Variants in NECTIN3 observed in about 807,000 individuals in gnomAD.
The protein encoded by NECTIN3 is nectin-3.
A neutral mutation model predicts 49.4 loss-of-function variants in NECTIN3; 8 were observed. The observed-to-expected ratio is 0.16, with a 90% CI of 0.10 to 0.29. The LOEUF (loss-of-function observed/expected upper bound fraction) is 0.29. Ranked by LOEUF, NECTIN3 falls within the 10% of genes least tolerant of loss-of-function variation. The probability of loss-of-function intolerance (pLI) is 1.00; values close to 1 mark genes in which losing one functional copy is unlikely to be tolerated. For missense variants in NECTIN3, 581 were observed against 654.6 expected (o/e 0.89, Z 1.23); for synonymous variants, 277 against 241.1 (o/e 1.15, Z -1.38).
rs368587515 is a variant in NECTIN3, at chr3:111,112,328, C to T, written c.459C>T (p.Phe153=). The change falls in exon 2 of 6, where the codon TTC becomes TTT. Residue 153 remains phenylalanine (F), a synonymous_variant. Transcript: ENST00000485303. ...SGKYICKAVT[F]PLGNAQSSTT... is the part of the protein sequence containing the mutation. ...AATACATCTGCAAAGCTGTTACATT[C>T]CCGCTTGGAAATGCCCAGTCCTCTA... 1.2e-5 allele frequency: 20 copies of T among 1,612,402 alleles called. No homozygotes were observed. The highest frequency in any genetic ancestry group is 1.2e-4 in the African/African-American group (9 of 74,848).
intron 7 of NECTIN3, among the ~76,000 whole-genome samples, chr3:111,175,361 C>T (rs1237715009): frequency 6.6e-6 from 1 of 151,468 alleles, no homozygotes; most frequent in Non-Finnish European, 1.5e-5. Flanking sequence ...GGACCTTTGC[C>T]AGGCAACCAC....
intron 1 of NECTIN3, among the ~76,000 whole-genome samples, chr3:111,103,792 T>G (rs986041223): frequency 2.0e-5 from 3 of 152,146 alleles, no homozygotes; most frequent in Non-Finnish European, 2.9e-5. Flanking sequence ...GTGTTTTGTT[T>G]TGTAGATGTT....
At chr3:111,190,849 G>A (rs1408633409), upstream of NECTIN3, among the ~76,000 whole-genome samples, 3 of 152,154 alleles carry the variant, frequency 2.0e-5, no homozygotes, top group Admixed American at 1.3e-4. Flanking sequence ...TATAAAACAA[G>A]ACAGTCATGA....
chr3:111,128,347 A>G (rs1382275124), intron 5 of NECTIN3, among the ~76,000 whole-genome samples: 1 of 151,996 alleles, frequency 6.6e-6, no homozygotes, highest in East Asian at 1.9e-4. Flanking sequence ...AAATTAAAAA[A>G]TAAATATCAA....
At position 111,092,520 on chromosome 3, in the gene NECTIN3, C is replaced by A. The variant is rs978283934; in HGVS notation, c.161-19510C>A. ...AACATCATTTTTTTAATATGGATAT[C>A]TAGTTGTTGCAGGACCATTTGTTGA... is the stretch of plus-strand genomic sequence containing the variant. On this transcript the variant is annotated intron_variant, in intron 1 of 5. Coordinates refer to ENST00000485303, the MANE Select transcript of NECTIN3 (RefSeq NM_015480.3). 3.3e-5 allele frequency among the ~76,000 whole-genome samples: 5 copies of A among 151,968 alleles called. 1 individual carries two copies. Among genetic ancestry groups the A allele is most frequent in the Non-Finnish European group, 7.4e-5 (5 of 67,970 alleles).
intron 7 of NECTIN3, among the ~76,000 whole-genome samples, chr3:111,161,493 G>A (rs769705520): frequency 1.2e-4 from 19 of 152,126 alleles, no homozygotes; most frequent in Non-Finnish European, 2.4e-4. Flanking sequence ...ACCAGTATTG[G>A]TCTGTGGCTT....
intron 1 of NECTIN3, 126 bp from the exon 2 acceptor site, chr3:111,111,882 CATGTGTGTGTGTGTGCATGTGT>C (rs1181629639): frequency 3.5e-6 from 2 of 571,596 alleles, no homozygotes; most frequent in African/African-American, 2.1e-5. Flanking sequence ...CGTGTGAGTG[CATGTGTGTGTGTGTGCATGTGT>C]GTGTGTGTGT....
intron 1 of NECTIN3, among the ~76,000 whole-genome samples, chr3:111,095,517 A>G (rs1237629755): frequency 6.6e-6 from 1 of 152,214 alleles, no homozygotes; most frequent in Non-Finnish European, 1.5e-5. Context: ...GACTCCAGAC[A>G]TCTAATCTGG....
chr3:111,103,375 G>C (rs1411494510), intron 1 of NECTIN3, among the ~76,000 whole-genome samples: 1 of 150,696 alleles, frequency 6.6e-6, no homozygotes, highest in African/African-American at 2.4e-5. Context: ...GCATTTTATT[G>C]TTGTGGGTGC....
chr3:111,091,550 G>A (rs1217479094), intron 1 of NECTIN3, among the ~76,000 whole-genome samples: 4 of 152,076 alleles, frequency 2.6e-5, no homozygotes, highest in South Asian at 2.1e-4. Context: ...CACTGCACCC[G>A]GCCAATGTGT....
At chr3:111,173,215 T>G (rs1448156636) in intron 7 of NECTIN3, among the ~76,000 whole-genome samples, 1 of 152,244 alleles carries the variant, frequency 6.6e-6, no homozygotes, top group Non-Finnish European at 1.5e-5. Flanking sequence ...GATCTATTTC[T>G]GAACCTGCAT....
chr3:111,153,422 G>A (rs183197103), intron 7 of NECTIN3, among the ~76,000 whole-genome samples: 14 of 152,098 alleles, frequency 9.2e-5, no homozygotes, highest in Middle Eastern at 3.4e-3. Flanking sequence ...GATGTAACAT[G>A]TGAAGTATAA....
chr3:111,117,556 A>C (rs1312153054), intron 2 of NECTIN3, among the ~76,000 whole-genome samples: 1 of 152,086 alleles, frequency 6.6e-6, no homozygotes, highest in African/African-American at 2.4e-5. Flanking sequence ...TATGAAAGGA[A>C]CTACATAAGG....
chr3:111,073,507 T>C (rs748545458), intron 1 of NECTIN3: 1 of 152,324 alleles, frequency 6.6e-6, no homozygotes, highest in African/African-American at 2.4e-5. Flanking sequence ...TGGAATGTTA[T>C]TAATTGTACG....
chr3:111,104,985 A>G (rs1015521675), intron 1 of NECTIN3, among the ~76,000 whole-genome samples: 8 of 152,170 alleles, frequency 5.3e-5, no homozygotes, highest in African/African-American at 1.9e-4. Context: ...CTTCTGATCC[A>G]TGAATAAAGT....
rs1000751479 is a variant in NECTIN3, at chr3:111,126,212, T to C, written c.946T>C (p.Leu316=). The change falls in exon 5 of 6, where the codon TTG becomes CTG. Residue 316 remains leucine, a synonymous_variant. Coordinates refer to ENST00000485303, the MANE Select transcript of NECTIN3 (RefSeq NM_015480.3). ...RLDGQWPDGL[L]ASDNTLHFVH... is the part of the protein sequence containing the mutation. ...GGATGGACAATGGCCTGATGGTTTA[T>C]TGGCTTCAGACAATACTCTTCATTT... The C allele has an allele frequency of 3.1e-6, 5 of 1,601,656 alleles. No homozygotes were observed. The highest frequency in any genetic ancestry group is 4.3e-6 in the Non-Finnish European group (5 of 1,176,298).
At chr3:111,097,877 A>G (rs1358884070) in intron 1 of NECTIN3, among the ~76,000 whole-genome samples, 1 of 152,170 alleles carries the variant, frequency 6.6e-6, no homozygotes, top group Non-Finnish European at 1.5e-5. Context: ...ACGAATACAC[A>G]TATATAAAAA....
At chr3:111,119,968 A>G (rs895205302) in intron 3 of NECTIN3, among the ~76,000 whole-genome samples, 10 of 152,270 alleles carry the variant, frequency 6.6e-5, no homozygotes, top group African/African-American at 2.4e-4. Flanking sequence ...GCTAATTCCC[A>G]GGATCTTTTT....
In NECTIN3 at chr3:111,134,986, TC is replaced by T; in HGVS notation, c.*773del. On this transcript the variant is annotated 3_prime_UTR_variant, in exon 6 of 6. Transcript: ENST00000485303. ...CATGATAATTATTAGTTTTTTTTTT[TC>T]CTTTCTGGAACATGGATTTTGGTAC... 3.1e-6 allele frequency: 3 copies of T among 976,946 alleles called. No individual in the cohort carries two copies. The highest frequency in any genetic ancestry group is 3.6e-6 in the Non-Finnish European group (3 of 823,230). 60.5% of individuals were successfully genotyped at this position (976,946 alleles called of 1,614,324 possible).
Sources: allele counts gnomAD v4.1 joint callset (sites outside exome capture counted in the v4.1 genomes callset), GRCh38; gene constraint gnomAD v4.1.1; transcripts MANE v1.5; gene names NCBI Gene and HGNC (gene_info 2026-07-23, HGNC 2026-07-21).